BLTP3A: variants seen among roughly 807,000 people sequenced by gnomAD.
BLTP3A encodes the protein ICBP90 binding protein 1.
the BLTP3A span, among the ~76,000 whole-genome samples, chr6:34,811,567 G>A: frequency 6.6e-6 from 1 of 151,792 alleles, no homozygotes; most frequent in Non-Finnish European, 1.5e-5. Context: ...CTCTACAAAA[G>A]TGTTTAAAAA....
chr6:34,870,660 G>A, the BLTP3A span, among the ~76,000 whole-genome samples: 1 of 152,168 alleles, frequency 6.6e-6, no homozygotes, highest in African/African-American at 2.4e-5. Context: ...CAATCAGACT[G>A]CCTGGGTTCA....
chr6:34,819,173 C>A, the BLTP3A span, among the ~76,000 whole-genome samples: 1 of 142,456 alleles, frequency 7.0e-6, no homozygotes, highest in Non-Finnish European at 1.5e-5. Context: ...TTTTATTATA[C>A]TTTAAGTTTT....
At chr6:34,815,202 A>G in the BLTP3A span, among the ~76,000 whole-genome samples, 1 of 152,144 alleles carries the variant, frequency 6.6e-6, no homozygotes, top group Non-Finnish European at 1.5e-5. Context: ...AGGCCAGAGA[A>G]TAATGCTTTT....
the BLTP3A span, chr6:34,873,102 G>A: frequency 6.6e-6 from 1 of 152,234 alleles, no homozygotes; most frequent in African/African-American, 2.4e-5. Context: ...TTTCATCATT[G>A]TGATGCTGTG....
At chr6:34,797,925 G>A in the BLTP3A span, among the ~76,000 whole-genome samples, 2 of 152,192 alleles carry the variant, frequency 1.3e-5, no homozygotes, top group Non-Finnish European at 2.9e-5. Context: ...TTCCAGAGCT[G>A]TGCTCTTCAA....
At chr6:34,862,941 C>G in the BLTP3A span, among the ~76,000 whole-genome samples, 1 of 150,976 alleles carries the variant, frequency 6.6e-6, no homozygotes. Flanking sequence ...TGAAGTCTCA[C>G]TCTGTCGCCC....
At chr6:34,835,206 C>A in the BLTP3A span, 1 of 1,418,712 alleles carries the variant, frequency 7.0e-7, no homozygotes, top group South Asian at 1.4e-5. Flanking sequence ...GATTGAAAAG[C>A]CGCTTCTGAA....
At chr6:34,808,816 G>A in the BLTP3A span, among the ~76,000 whole-genome samples, 1 of 152,036 alleles carries the variant, frequency 6.6e-6, no homozygotes, top group Non-Finnish European at 1.5e-5. Context: ...CTGGACTCAA[G>A]CCATCCTGCC....
chr6:34,821,752 T>C, the BLTP3A span: 12 of 1,614,174 alleles, frequency 7.4e-6, no homozygotes, highest in Non-Finnish European at 9.3e-6. Context: ...TTCTACAGAA[T>C]GTACTGGAGC....
chr6:34,828,945 T>G, the BLTP3A span, among the ~76,000 whole-genome samples: 1 of 142,678 alleles, frequency 7.0e-6, no homozygotes, highest in Non-Finnish European at 1.5e-5. Context: ...GAGAATTGCT[T>G]GAACCTGTGA....
At chr6:34,869,182 A>G in the BLTP3A span, among the ~76,000 whole-genome samples, 3 of 151,896 alleles carry the variant, frequency 2.0e-5, no homozygotes, top group Non-Finnish European at 2.9e-5. Flanking sequence ...TTGTATTTTT[A>G]GTAGAGATGG....
the BLTP3A span, chr6:34,857,332 T>C: frequency 6.2e-7 from 1 of 1,613,958 alleles, no homozygotes; most frequent in Non-Finnish European, 8.5e-7. Flanking sequence ...TGTTTAGGTT[T>C]CCACCGCTGG....
the BLTP3A span, among the ~76,000 whole-genome samples, chr6:34,829,027 C>CAAAAAAAAAAAAAAAAAAA: frequency 2.0e-5 from 1 of 50,728 alleles, no homozygotes; most frequent in African/African-American, 9.3e-5. Flanking sequence ...AACTCCATCT[C>CAAAAAAAAAAAAAAAAAAA]AAAAAAAAAA....
chr6:34,800,594 A>G, the BLTP3A span, among the ~76,000 whole-genome samples: 1 of 152,168 alleles, frequency 6.6e-6, no homozygotes, highest in African/African-American at 2.4e-5. Context: ...GGTTGTGAAC[A>G]CAGATATTAA....
At chr6:34,869,542 C>G in the BLTP3A span, among the ~76,000 whole-genome samples, 3 of 150,628 alleles carry the variant, frequency 2.0e-5, no homozygotes, top group Non-Finnish European at 4.4e-5. Context: ...TTGCTTCTTT[C>G]AAGTAACATG....
chr6:34,853,079 A>G, the BLTP3A span, among the ~76,000 whole-genome samples: 4 of 152,206 alleles, frequency 2.6e-5, no homozygotes, highest in East Asian at 7.7e-4. Context: ...TGTCTTTTCT[A>G]CCTTCTTTGG....
At chr6:34,854,268 A>G in the BLTP3A span, among the ~76,000 whole-genome samples, 19 of 152,010 alleles carry the variant, frequency 1.2e-4, no homozygotes, top group Non-Finnish European at 1.6e-4. Context: ...TCATTTGTGG[A>G]AAAAAAATTG....
At chr6:34,858,875 G>T in the BLTP3A span, 3 of 1,614,106 alleles carry the variant, frequency 1.9e-6, no homozygotes, top group Non-Finnish European at 2.5e-6. Flanking sequence ...GCTCTGCTTC[G>T]CCTGAAGGAG....
the BLTP3A span, among the ~76,000 whole-genome samples, chr6:34,831,332 T>C: frequency 6.6e-6 from 1 of 152,246 alleles, no homozygotes; most frequent in African/African-American, 2.4e-5. Flanking sequence ...TTCACCATGT[T>C]GGCCAGGCTG....
Sources: gnomAD v4.1 joint callset for allele counts (sites outside exome capture counted in the v4.1 genomes callset) on GRCh38, gnomAD v4.1.1 for gene constraint, MANE v1.5 for transcripts, NCBI Gene and HGNC (gene_info 2026-07-23, HGNC 2026-07-21) for gene names.